PHF20: variants seen among roughly 807,000 people sequenced by gnomAD.
PHF20 encodes glioma-expressed antigen 2.
Under a neutral mutation model 113.5 loss-of-function variants are expected in PHF20, and 23 were observed. The ratio of observed to expected loss-of-function variants is 0.20; its 90% CI spans 0.15 to 0.29. The LOEUF (loss-of-function observed/expected upper bound fraction) is 0.29. Ranked by LOEUF, PHF20 falls within the 10% of genes least tolerant of loss-of-function variation. The pLI, the probability that PHF20 is intolerant of heterozygous loss-of-function variation, is 1.00. For synonymous variants in PHF20, 434 were observed against 457.3 expected, an observed-to-expected ratio of 0.95 and a Z score of 0.65; for missense variants, 943 against 1,219.6, an observed-to-expected ratio of 0.77 and a Z score of 3.38.
At chr20:35,830,724 T>C (rs376424575) in intron 2 of PHF20, among the ~76,000 whole-genome samples, 1 of 152,176 alleles carries the variant, frequency 6.6e-6, no homozygotes, top group Non-Finnish European at 1.5e-5. Flanking sequence ...GCTTTTTTTT[T>C]CCCTTCAACT....
chr20:35,903,758 A>G (rs1425762177), intron 10 of PHF20, among the ~76,000 whole-genome samples: 1 of 152,146 alleles, frequency 6.6e-6, no homozygotes, highest in Non-Finnish European at 1.5e-5. Flanking sequence ...CCTCGGTATT[A>G]TCATATGTGG....
chr20:35,939,146 G>T, intron 16 of PHF20, 38 bp downstream of exon 16: 1 of 1,509,296 alleles, frequency 6.6e-7, no homozygotes, highest in Non-Finnish European at 9.0e-7. Flanking sequence ...CATTCATTGC[G>T]TGAATGCTTG....
chr20:35,793,569 G>A (rs955006275), intron 1 of PHF20, among the ~76,000 whole-genome samples: 2 of 150,972 alleles, frequency 1.3e-5, no homozygotes, highest in Non-Finnish European at 2.9e-5. Flanking sequence ...CAAAGTGCTG[G>A]GATTACAGGC....
chr20:35,924,899 C>T (rs1312962827), intron 13 of PHF20, among the ~76,000 whole-genome samples: 1 of 151,982 alleles, frequency 6.6e-6, no homozygotes, highest in Non-Finnish European at 1.5e-5. Flanking sequence ...CTGCGCCTGG[C>T]CCATTTTTCT....
chr20:35,791,576 G>GTA (rs2041556021), intron 1 of PHF20, among the ~76,000 whole-genome samples: 2 of 147,236 alleles, frequency 1.4e-5, no homozygotes, highest in African/African-American at 5.0e-5. Context: ...AGAATTGTGT[G>GTA]TATATATGTA....
At chr20:35,773,116 T>A (rs906814800) in intron 1 of PHF20, among the ~76,000 whole-genome samples, 6 of 152,198 alleles carry the variant, frequency 3.9e-5, no homozygotes, top group Non-Finnish European at 7.3e-5. Flanking sequence ...CATTTTCATA[T>A]CTGGGAGTAT....
chr20:35,929,462 G>T (rs892597505), intron 14 of PHF20, among the ~76,000 whole-genome samples: 1 of 152,218 alleles, frequency 6.6e-6, no homozygotes, highest in Non-Finnish European at 1.5e-5. Flanking sequence ...CCAAGATCAC[G>T]CCACCAGCTA....
intron 2 of PHF20, among the ~76,000 whole-genome samples, chr20:35,820,642 G>C (rs1302902439): frequency 1.3e-5 from 2 of 151,708 alleles, no homozygotes; most frequent in Admixed American, 1.3e-4. Context: ...GTAGAGATGG[G>C]GTTTCACTGT....
chr20:35,804,127 T>TCTTGCTCAGTCGCCCAGGCTGGA (rs2041837424), intron 2 of PHF20, among the ~76,000 whole-genome samples: 1 of 151,882 alleles, frequency 6.6e-6, no homozygotes, highest in African/African-American at 2.4e-5. Flanking sequence ...CAGGCTGGAG[T>TCTTGCTCAGTCGCCCAGGCTGGA]GTGGTGGCAC....
At chr20:35,926,376 T>G (rs1180575682) in intron 13 of PHF20, among the ~76,000 whole-genome samples, 3 of 150,268 alleles carry the variant, frequency 2.0e-5, no homozygotes, top group Non-Finnish European at 4.4e-5. Context: ...TAGCTGGGAC[T>G]ACAGGCGCCC....
intron 15 of PHF20, among the ~76,000 whole-genome samples, chr20:35,932,093 A>G (rs1303742618): frequency 3.7e-5 from 5 of 136,726 alleles, no homozygotes; most frequent in Non-Finnish European, 4.6e-5. Flanking sequence ...TTTGAGATGG[A>G]GTCTCACTCT....
intron 2 of PHF20, among the ~76,000 whole-genome samples, chr20:35,806,997 G>C (rs1321453921): frequency 6.6e-6 from 1 of 151,840 alleles, no homozygotes; most frequent in Non-Finnish European, 1.5e-5. Flanking sequence ...GAGTTTCACT[G>C]TGTTAGCCAG....
intron 1 of PHF20, among the ~76,000 whole-genome samples, chr20:35,781,292 C>T (rs968167634): frequency 4.0e-5 from 6 of 151,844 alleles, no homozygotes; most frequent in African/African-American, 1.2e-4. Context: ...TATAGGCCTG[C>T]ACCACCACAT....
chr20:35,947,472 C>T lies in PHF20; in HGVS notation c.2897-13C>T, dbSNP rs1235445296. On this transcript the variant is annotated splice_polypyrimidine_tract_variant and intron_variant, in intron 17 of 17. Transcript: ENST00000374012. Reference sequence around the variant, plus strand: ...GGAGTTCACTAGGTCTCATCTCTCTCTTCTGCCGACAGTGTTGGAGAGCTG... The same window carrying T: ...GGAGTTCACTAGGTCTCATCTCTCTTTTCTGCCGACAGTGTTGGAGAGCTG... 3.7e-6 allele frequency: 6 copies of T among 1,613,308 alleles called. No individual in the cohort carries two copies. The highest frequency in any genetic ancestry group is 5.1e-6 in the Non-Finnish European group (6 of 1,179,396).
rs190108612 is a variant in PHF20 at position 35,938,160 on chromosome 20, C to T, written c.2301-537C>T. 2.0e-5 allele frequency among the ~76,000 whole-genome samples: 3 copies of T among 152,268 alleles called. No individual in the cohort carries two copies. In the East Asian group the frequency reaches 5.8e-4, roughly 29 times the overall value. On this transcript the variant is annotated intron_variant, in intron 15 of 17. Transcript: ENST00000374012. Reference sequence around the variant, plus strand: ...GTGCTGGGATTACAGGTGTGAGCCACCGCCCCCGGCCCGTTTTAATGTTAA... The same window carrying T: ...GTGCTGGGATTACAGGTGTGAGCCATCGCCCCCGGCCCGTTTTAATGTTAA...
At chr20:35,906,480 T>C (rs2055202958) in intron 10 of PHF20, among the ~76,000 whole-genome samples, 1 of 142,678 alleles carries the variant, frequency 7.0e-6, no homozygotes. Context: ...TGGGCCTTGC[T>C]TTCTCCCCGT....
At chr20:35,894,881 G>T (rs1356773898) in intron 9 of PHF20, among the ~76,000 whole-genome samples, 1 of 152,178 alleles carries the variant, frequency 6.6e-6, no homozygotes, top group Non-Finnish European at 1.5e-5. Flanking sequence ...TTGAGACGGA[G>T]TCTCACTCTT....
intron 2 of PHF20, among the ~76,000 whole-genome samples, chr20:35,805,011 C>T (rs111932845): frequency 1.3e-5 from 2 of 151,906 alleles, no homozygotes; most frequent in African/African-American, 4.8e-5. Context: ...AAGCGATTCT[C>T]GTGCCTCAGC....
chr20:35,822,846 TAAAAAA>T (rs780275666), intron 2 of PHF20, among the ~76,000 whole-genome samples: 3 of 55,536 alleles, frequency 5.4e-5, no homozygotes, highest in African/African-American at 7.4e-5. Context: ...ACCCTGCTTC[TAAAAAA>T]AAAAAAAAAA....
Sources: allele counts gnomAD v4.1 joint callset (sites outside exome capture counted in the v4.1 genomes callset), GRCh38; gene constraint gnomAD v4.1.1; transcripts MANE v1.5; gene names NCBI Gene and HGNC (gene_info 2026-07-23, HGNC 2026-07-21).